The following GGCX variants were observed in gnomAD, a reference collection of about 807,000 sequenced individuals.
GGCX encodes the protein gamma-glutamyl carboxylase.
GGCX carries 63 observed loss-of-function variants against 88.5 expected under a neutral mutation model. That is an observed-to-expected ratio of 0.71 (90% confidence interval 0.58 to 0.88). The LOEUF (loss-of-function observed/expected upper bound fraction) is 0.88. Ranked by LOEUF, GGCX falls within the 40% of genes least tolerant of loss-of-function variation. GGCX has a pLI of 0.00. For synonymous variants in GGCX, 368 were observed against 365.8 expected, an observed-to-expected ratio of 1.01 and a Z score of -0.07; for missense variants, 805 against 932.9, an observed-to-expected ratio of 0.86 and a Z score of 1.79.
At position 85,556,228 on chromosome 2, in the gene GGCX, C is replaced by T. The variant is rs1177844109; in HGVS notation, c.572G>A (p.Arg191Lys). Residue 191 changes from arginine (R) to lysine (K), a missense_variant, in exon 5 of 15, where the codon AGG (arginine) becomes AAG (lysine). Physicochemically the swap from Arg to Lys is conservative, Grantham distance 26. Transcript: ENST00000233838. ...GTTCCAAAGGGGCACGTGGGCATTC[C>T]TCCTATGGGCATTCAGCAGACCGTC... ...SVDGLLNAHR[R>K]NAHVPLWNYA... 3.1e-6 allele frequency: 5 copies of T among 1,612,922 alleles called. No individual in the cohort carries two copies. The highest frequency in any genetic ancestry group is 4.2e-6 in the Non-Finnish European group (5 of 1,178,998).
At chr2:85,559,487 C>A (rs569087426) in intron 2 of GGCX, among the ~76,000 whole-genome samples, 65 of 151,820 alleles carry the variant, frequency 4.3e-4, no homozygotes, top group African/African-American at 1.5e-3. Flanking sequence ...CTGAGGTGGG[C>A]AGATCACCTG....
chr2:85,553,293 G>A lies in GGCX; in HGVS notation c.1094C>T (p.Ala365Val). The change falls in exon 8 of 15, where the codon GCC (alanine) becomes GTC (valine). Residue 365 changes from alanine (A) to valine (V), a missense_variant. Physicochemically the swap from Ala to Val is moderately conservative, Grantham distance 64. This residue lies in a region of GGCX where 680 missense variants were observed against 763.7 expected (regional missense o/e 0.89). Coordinates refer to ENST00000233838, the MANE Select transcript of GGCX (RefSeq NM_000821.7). The stretch of plus-strand genomic sequence containing the variant: ...CTCCAGGAGGTAGAGCAGGGTGAAG[G>A]CAGCTCCCAGCTGATGGCGCAGCCC... ...KPGLRHQLGA[A>V]FTLLYLLEQL... 6.2e-7 allele frequency: 1 copy of A among 1,614,206 alleles called. No individual in the cohort carries two copies. The highest frequency in any genetic ancestry group is 8.5e-7 in the Non-Finnish European group (1 of 1,179,994).
chr2:85,553,730 G>A (rs1573324340), intron 7 of GGCX: 1 of 539,890 alleles, frequency 1.9e-6, no homozygotes, highest in East Asian at 3.4e-5. Flanking sequence ...CTCCCAAGTA[G>A]CTGGAATTAC....
At chr2:85,552,829 C>T in intron 9 of GGCX, 110 bp downstream of exon 9, 1 of 1,250,220 alleles carries the variant, frequency 8.0e-7, no homozygotes, top group Non-Finnish European at 1.2e-6. Flanking sequence ...TGAGAAAAGG[C>T]AAAGCAGACT....
rs532781606 is a variant in GGCX, at chr2:85,549,324, G to A, written c.*610C>T. 6.3e-6 allele frequency: 1 copy of A among 158,688 alleles called. No homozygotes were observed. The highest frequency in any genetic ancestry group is 1.4e-5 in the Non-Finnish European group (1 of 71,934). The allele number at this position is 158,688 out of a possible 1,614,324, so 9.8% of individuals were successfully genotyped here. A position where few individuals can be genotyped will look rare whatever the true frequency, so the allele number is the denominator to read the frequency against. On this transcript the variant is annotated 3_prime_UTR_variant, in exon 15 of 15. Coordinates refer to ENST00000233838, the MANE Select transcript of GGCX (RefSeq NM_000821.7). ...CATAGCAAACACTTGGGAACAGTTA[G>A]CTATTCATCGTGGTACATTAAATTG...
chr2:85,558,303 A>G (rs1692288335), intron 4 of GGCX, 137 bp downstream of exon 4: 1 of 783,866 alleles, frequency 1.3e-6, no homozygotes, highest in African/African-American at 1.7e-5. Context: ...CCCCTCCCAA[A>G]TCCACCTAGA....
At chr2:85,558,048 C>T (rs1692276949) in intron 4 of GGCX, among the ~76,000 whole-genome samples, 1 of 152,190 alleles carries the variant, frequency 6.6e-6, no homozygotes, top group Admixed American at 6.5e-5. Flanking sequence ...ACAGCAACTT[C>T]TACTTTTGGC....
chr2:85,555,676 G>C (rs1478438465), intron 5 of GGCX, 86 bp from the exon 6 acceptor site: 1 of 789,922 alleles, frequency 1.3e-6, no homozygotes, highest in East Asian at 2.5e-5. Context: ...ATATAGTTAG[G>C]ACAACTTGAA....
rs867565844 is a variant in GGCX, at chr2:85,559,743, G to C, written c.215-668C>G. On this transcript the variant is annotated intron_variant, in intron 2 of 14. Coordinates refer to ENST00000233838, the MANE Select transcript of GGCX (RefSeq NM_000821.7). ...AAAAAGAAAGAAAGAAAGAAAGAAA[G>C]TGCTCTGGGAGTGCTTCTCAACCTT... is the stretch of plus-strand genomic sequence containing the variant. Among the ~76,000 whole-genome samples, 24 of 150,496 alleles carry C rather than the reference G, an allele frequency of 1.6e-4. 1 individual carries two copies. Among genetic ancestry groups the C allele is most frequent in the Middle Eastern group, 3.4e-3 (1 of 294 alleles).
At chr2:85,554,073 A>T in intron 7 of GGCX, 70 bp downstream of exon 7, 1 of 1,260,144 alleles carries the variant, frequency 7.9e-7, no homozygotes, top group Non-Finnish European at 1.2e-6. Context: ...CCACTCCCAA[A>T]CAATGCCTCT....
intron 7 of GGCX, 77 bp downstream of exon 7, chr2:85,554,066 C>T (rs1692097059): frequency 1.7e-6 from 2 of 1,177,132 alleles, no homozygotes; most frequent in Non-Finnish European, 2.6e-6. Flanking sequence ...CCCTCTCCCA[C>T]TCCCAAACAA....
In GGCX at chr2:85,552,524, A is replaced by C; in HGVS notation, c.1331T>G (p.Leu444Arg). 6.2e-7 allele frequency: 1 copy of C among 1,613,978 alleles called. No individual in the cohort carries two copies. Among genetic ancestry groups the C allele is most frequent in the Non-Finnish European group, 8.5e-7 (1 of 1,179,898 alleles). ...SRRWKDHADM[L>R]KQYATCLSRL... ...GCTCAGGCAAGTGGCATATTGCTTC[A>C]GCATGTCTGCATGATCCTTCCATCG... The change falls in exon 10 of 15, where the codon CTG (leucine) becomes CGG (arginine). Residue 444 changes from leucine to arginine, a missense_variant. Coordinates refer to ENST00000233838, the MANE Select transcript of GGCX (RefSeq NM_000821.7).
rs1471873748 is a variant in GGCX, at chr2:85,549,160, G to A, written c.*774C>T. 6.6e-6 allele frequency: 1 copy of A among 152,204 alleles called. No homozygotes were observed. Among genetic ancestry groups the A allele is most frequent in the African/African-American group, 2.4e-5 (1 of 41,438 alleles). 9.4% of individuals were successfully genotyped at this position (152,204 alleles called of 1,614,324 possible). ...GATTCTGAAAATTACAAGTGGCAGG[G>A]TGCAGGACCTTAAGTCAAATAGACG... On this transcript the variant is annotated 3_prime_UTR_variant, in exon 15 of 15. Coordinates refer to ENST00000233838, the MANE Select transcript of GGCX (RefSeq NM_000821.7).
In GGCX at chr2:85,547,187, G is replaced by C. The variant is rs771470716; in HGVS notation, c.*2747C>G. ...TAGAAAGCATGAAAGTATGACTTAA[G>C]GAAATGTCTTTAGGTTGAACATTCT... On this transcript the variant is annotated 3_prime_UTR_variant, in exon 15 of 15. Transcript: ENST00000233838. The C allele has an allele frequency of 2.6e-5, 4 of 152,162 alleles. No individual in the cohort carries two copies. Among genetic ancestry groups the C allele is most frequent in the Admixed American group, 2.6e-4 (4 of 15,262 alleles). The allele number at this position is 152,162 out of a possible 1,614,324, so 9.4% of individuals were successfully genotyped here.
intron 4 of GGCX, among the ~76,000 whole-genome samples, chr2:85,557,623 T>C (rs1331167924): frequency 2.0e-5 from 3 of 152,114 alleles, no homozygotes; most frequent in South Asian, 2.1e-4. Context: ...TATTAACAAA[T>C]AGGCCGGACA....
chr2:85,554,270 G>A lies in GGCX; in HGVS notation c.762C>T (p.Val254=), dbSNP rs371246937. Residue 254 remains valine (V), a synonymous_variant, in exon 7 of 15, where the codon GTC becomes GTT. Transcript: ENST00000233838. ...LLSEELTSLL[V]VHWGGLLLDL... is the part of the protein sequence containing the mutation. ...CAAGCAGCAGCCCACCCCAGTGCAC[G>A]ACCAGCAGGCTAGTCAGCTCCTCAG... 9 of 1,613,914 alleles carry A rather than the reference G, an allele frequency of 5.6e-6. No homozygotes were observed. Among genetic ancestry groups the A allele is most frequent in the Non-Finnish European group, 6.8e-6 (8 of 1,179,886 alleles).
rs2103939566 is a variant in GGCX at position 85,547,603 on chromosome 2, A to C, written c.*2331T>G. On this transcript the variant is annotated 3_prime_UTR_variant, in exon 15 of 15. Coordinates refer to ENST00000233838, the MANE Select transcript of GGCX (RefSeq NM_000821.7). ...GTCAAGTAGGTACAGTGAGTTTGGC[A>C]AACAACATAGTGGCAAAGTATCTTC... The C allele has an allele frequency of 6.6e-6, 1 of 152,356 alleles. No homozygotes were observed. Among genetic ancestry groups the C allele is most frequent in the South Asian group, 2.1e-4 (1 of 4,828 alleles). The allele number at this position is 152,356 out of a possible 1,614,324, so 9.4% of individuals were successfully genotyped here. A position where few individuals can be genotyped will look rare whatever the true frequency, so the allele number is the denominator to read the frequency against.
Position 85,545,396 on chromosome 2 carries a change from T to C in GGCX, c.*4538A>G, listed in dbSNP as rs575528704. 2.0e-5 allele frequency: 3 copies of C among 152,592 alleles called. No individual in the cohort carries two copies. In the South Asian group the frequency reaches 6.2e-4, roughly 32 times the overall value. 9.5% of individuals were successfully genotyped at this position (152,592 alleles called of 1,614,324 possible). A position where few individuals can be genotyped will look rare whatever the true frequency, so the allele number is the denominator to read the frequency against. On this transcript the variant is annotated 3_prime_UTR_variant, in exon 15 of 15. Coordinates refer to ENST00000233838, the MANE Select transcript of GGCX (RefSeq NM_000821.7). ...ACTTTAACATAGAAGTTGGAGGCTG[T>C]AGCGAACCATTATCAAGCCACTGCA...
Position 85,561,445 on chromosome 2 carries a change from C to T in GGCX, c.-17G>A. On this transcript the variant is annotated 5_prime_UTR_variant, in exon 1 of 15. Coordinates refer to ENST00000233838, the MANE Select transcript of GGCX (RefSeq NM_000821.7). ...CACCGCCATTGCTCTGCGGAGGAGG[C>T]AGGTGGGTCACAGCTGCCGCGTCTG... is the stretch of plus-strand genomic sequence containing the variant. The T allele has an allele frequency of 7.0e-6, 11 of 1,563,744 alleles. No individual in the cohort carries two copies. The highest frequency in any genetic ancestry group is 9.5e-6 in the Non-Finnish European group (11 of 1,152,778).
Sources: gnomAD v4.1 joint callset for allele counts (sites outside exome capture counted in the v4.1 genomes callset) on GRCh38, gnomAD v4.1.1 for gene constraint, gnomAD v4.1.1 regional missense constraint, MANE v1.5 for transcripts, NCBI Gene and HGNC (gene_info 2026-07-23, HGNC 2026-07-21) for gene names.